The following DIP2C variants were observed in gnomAD, a reference collection of about 807,000 sequenced individuals.
DIP2C encodes the protein DIP2 acetate--CoA ligase C (putative).
A neutral mutation model predicts 192.4 loss-of-function variants in DIP2C; 33 were observed. That is an observed-to-expected ratio of 0.17 (90% CI 0.13 to 0.23). DIP2C has a LOEUF of 0.23. Among genes scored for constraint, DIP2C ranks in the 10% least tolerant of loss-of-function variants. DIP2C has a pLI of 1.00. For missense variants in DIP2C, 1,537 were observed against 2,110.1 expected, an observed-to-expected ratio of 0.73 and a Z score of 5.32; for synonymous variants, 979 against 864.1, an observed-to-expected ratio of 1.13 and a Z score of -2.33.
At chr10:576,542 C>T (rs1850171677) in intron 1 of DIP2C, among the ~76,000 whole-genome samples, 1 of 152,218 alleles carries the variant, frequency 6.6e-6, no homozygotes, top group Non-Finnish European at 1.5e-5. Context: ...CAACCACATT[C>T]ATTTCAATTG....
At chr10:564,998 G>A (rs895028157) in intron 1 of DIP2C, among the ~76,000 whole-genome samples, 46 of 152,312 alleles carry the variant, frequency 3.0e-4, no homozygotes, top group East Asian at 9.6e-4. Flanking sequence ...TGGTGAAGAT[G>A]AAGAGTAAAC....
At chr10:325,091 C>T in intron 31 of DIP2C, 2 of 387,298 alleles carry the variant, frequency 5.2e-6, no homozygotes, top group South Asian at 1.9e-5. Context: ...CGGTGAAACC[C>T]CATCTCTACT....
At chr10:406,765 G>A (rs541790807) in intron 9 of DIP2C, among the ~76,000 whole-genome samples, 2 of 152,132 alleles carry the variant, frequency 1.3e-5, no homozygotes, top group South Asian at 4.2e-4. Context: ...TGCAGCCTCT[G>A]GCTCCAACAG....
intron 1 of DIP2C, among the ~76,000 whole-genome samples, chr10:494,031 G>A (rs965264773): frequency 7.2e-5 from 11 of 152,166 alleles, no homozygotes; most frequent in South Asian, 2.1e-4. Flanking sequence ...CAAAATCCAC[G>A]TCACTTCCAG....
At chr10:659,970 A>G (rs1856652948) in intron 1 of DIP2C, among the ~76,000 whole-genome samples, 1 of 152,272 alleles carries the variant, frequency 6.6e-6, no homozygotes. Context: ...AGAATCTCAC[A>G]GTGGAACGGA....
chr10:348,752 C>T lies in DIP2C; in HGVS notation c.3120G>A (p.Leu1040=), dbSNP rs1224952425. The T allele has an allele frequency of 9.3e-6, 15 of 1,613,466 alleles. No individual in the cohort carries two copies. The highest frequency in any genetic ancestry group is 1.3e-5 in the African/African-American group (1 of 74,912). Residue 1040 remains leucine, a synonymous_variant, in exon 26 of 37, where the codon CTG becomes CTA. Transcript: ENST00000280886. Reference sequence around the variant, plus strand: ...ACAGGCAACCATAAAACGCTGCTATCAGGTCTATTCCTACACAAGGAGAGA... The same window carrying T: ...ACAGGCAACCATAAAACGCTGCTATTAGGTCTATTCCTACACAAGGAGAGA... ...VALVYPPGID[L]IAAFYGCLYA... is the part of the protein sequence containing the mutation.
intron 8 of DIP2C, 21 bp downstream of exon 8, chr10:413,892 G>C: frequency 1.2e-6 from 2 of 1,608,202 alleles, no homozygotes; most frequent in Non-Finnish European, 1.7e-6. Context: ...GCAAAGGGCA[G>C]AGAGTGAGCC....
At chr10:662,467 C>A (rs1023944207) in intron 1 of DIP2C, among the ~76,000 whole-genome samples, 2 of 152,216 alleles carry the variant, frequency 1.3e-5, no homozygotes, top group East Asian at 3.9e-4. Context: ...CAGGCTGCAC[C>A]CCCACAGCTG....
chr10:397,984 C>T (rs903233236), intron 10 of DIP2C, among the ~76,000 whole-genome samples: 10 of 152,214 alleles, frequency 6.6e-5, no homozygotes, highest in African/African-American at 2.4e-4. Flanking sequence ...CACCTCCAGA[C>T]TGACAAAGCT....
chr10:555,029 ACC>A (rs1343040459), intron 1 of DIP2C, among the ~76,000 whole-genome samples: 1 of 152,126 alleles, frequency 6.6e-6, no homozygotes, highest in Non-Finnish European at 1.5e-5. Context: ...TCATATACTG[ACC>A]CCAAGTAATT....
At chr10:611,276 T>C (rs184676833) in intron 1 of DIP2C, among the ~76,000 whole-genome samples, 13 of 152,292 alleles carry the variant, frequency 8.5e-5, no homozygotes, top group Admixed American at 3.3e-4. Context: ...TTTCCCCAGA[T>C]GTAGAAGCCT....
rs534334522 is a variant in DIP2C at position 676,070 on chromosome 10, A to G, written c.85+13424T>C. Among the ~76,000 whole-genome samples the G allele has an allele frequency of 4.6e-5, 7 of 152,374 alleles. No individual in the cohort carries two copies. The East Asian group carries it at 1.3e-3, about 29-fold the overall frequency. ...ATCAAAAATATTATACACCACGATCAAGTGGGATTTCTCCCAGGATGCAAG... is the reference window on the plus strand; with the variant it reads ...ATCAAAAATATTATACACCACGATCGAGTGGGATTTCTCCCAGGATGCAAG... On this transcript the variant is annotated intron_variant, in intron 1 of 36. Coordinates refer to ENST00000280886, the MANE Select transcript of DIP2C (RefSeq NM_014974.3).
chr10:330,704 T>C (rs891905468), intron 29 of DIP2C, among the ~76,000 whole-genome samples: 18 of 151,750 alleles, frequency 1.2e-4, no homozygotes, highest in Non-Finnish European at 2.1e-4. Flanking sequence ...ATCTTGAACT[T>C]CGGGGCTCAA....
chr10:653,396 T>G (rs960521063), intron 1 of DIP2C, among the ~76,000 whole-genome samples: 7 of 152,088 alleles, frequency 4.6e-5, no homozygotes, highest in African/African-American at 1.7e-4. Context: ...TGCAGTGAGC[T>G]GAGATCACAC....
intron 1 of DIP2C, among the ~76,000 whole-genome samples, chr10:548,202 T>TCCCC (rs1329096929): frequency 1.7e-5 from 1 of 58,256 alleles, no homozygotes. Context: ...CACACGAGTC[T>TCCCC]GCCCCACCCC....
rs1344845181 is a variant in DIP2C, at chr10:652,569, G to A, written c.85+36925C>T. 1 of 154,042 alleles carries A rather than the reference G, an allele frequency of 6.5e-6. No homozygotes were observed. Among genetic ancestry groups the A allele is most frequent in the African/African-American group, 2.4e-5 (1 of 41,392 alleles). The allele number at this position is 154,042 out of a possible 1,614,324, so 9.5% of individuals were successfully genotyped here. A position where few individuals can be genotyped will look rare whatever the true frequency, so the allele number is the denominator to read the frequency against. ...TGCAGTGGGAGGCGGGACATGCTGGGATCTACCCATGGCCAGGCCAAGCTG... is the reference window on the plus strand; with the variant it reads ...TGCAGTGGGAGGCGGGACATGCTGGAATCTACCCATGGCCAGGCCAAGCTG... On this transcript the variant is annotated intron_variant, in intron 1 of 36. Transcript: ENST00000280886. The surrounding 1 kb of genome is among the most constrained non-coding windows in gnomAD (Gnocchi z 4.5).
At chr10:329,710 C>T in intron 29 of DIP2C, 109 bp from the exon 30 acceptor site, 2 of 1,364,448 alleles carry the variant, frequency 1.5e-6, no homozygotes, top group Admixed American at 5.2e-5. Flanking sequence ...GGACTTGGAA[C>T]AGCCCGTGCT....
At chr10:557,462 G>C (rs1848938321) in intron 1 of DIP2C, among the ~76,000 whole-genome samples, 1 of 151,404 alleles carries the variant, frequency 6.6e-6, no homozygotes, top group Non-Finnish European at 1.5e-5. Flanking sequence ...ATGCAGACAG[G>C]CTCCCAGGCC....
At chr10:420,634 G>C (rs942552639) in intron 5 of DIP2C, among the ~76,000 whole-genome samples, 1 of 152,220 alleles carries the variant, frequency 6.6e-6, no homozygotes, top group Non-Finnish European at 1.5e-5. Context: ...AAGAAAACTA[G>C]AATGGGATTT....
Sources: allele counts gnomAD v4.1 joint callset (sites outside exome capture counted in the v4.1 genomes callset), GRCh38; gene constraint gnomAD v4.1.1; non-coding constraint Gnocchi (gnomAD v3.1); transcripts MANE v1.5; gene names NCBI Gene and HGNC (gene_info 2026-07-23, HGNC 2026-07-21).